PIK3C2A: variants seen among roughly 807,000 people sequenced by gnomAD.
The protein encoded by PIK3C2A is phosphatidylinositol 4-phosphate 3-kinase C2 domain-containing subunit alpha.
Under a neutral mutation model 204.5 loss-of-function variants are expected in PIK3C2A, and 97 were observed. That is an observed-to-expected ratio of 0.47 (90% CI 0.40 to 0.56). The LOEUF is 0.56. Ranked by LOEUF, PIK3C2A falls within the 20% of genes least tolerant of loss-of-function variation. The pLI is 0.00. For synonymous variants in PIK3C2A, 653 were observed against 664.4 expected (o/e 0.98, Z 0.26); for missense variants, 1,735 against 1,969.2 (o/e 0.88, Z 2.25).
intron 27 of PIK3C2A, among the ~76,000 whole-genome samples, chr11:17,096,000 T>C (rs1303040405): frequency 1.3e-5 from 2 of 151,248 alleles, no homozygotes; most frequent in Non-Finnish European, 2.9e-5. Flanking sequence ...AAAAGGTTTA[T>C]GGGGGGTAGT....
chr11:17,199,036 T>C (rs1485790706), intron 1 of PIK3C2A, among the ~76,000 whole-genome samples: 2 of 151,644 alleles, frequency 1.3e-5, no homozygotes. Flanking sequence ...AGAGAATCAC[T>C]TGAACCTGGG....
intron 3 of PIK3C2A, among the ~76,000 whole-genome samples, chr11:17,154,955 C>A (rs930869487): frequency 6.6e-6 from 1 of 152,056 alleles, no homozygotes; most frequent in African/African-American, 2.4e-5. Flanking sequence ...ACATGCTTAA[C>A]CAGAAGCAAA....
chr11:17,101,252 A>C (rs1848614026), intron 25 of PIK3C2A, 26 bp downstream of exon 25: 2 of 1,322,498 alleles, frequency 1.5e-6, no homozygotes, highest in East Asian at 2.3e-5. Flanking sequence ...TATAAAACTA[A>C]TTAAGTGCTT....
chr11:17,120,833 G>A (rs1052611356), intron 15 of PIK3C2A, among the ~76,000 whole-genome samples: 1 of 151,696 alleles, frequency 6.6e-6, no homozygotes, highest in African/African-American at 2.4e-5. Context: ...TGTTTGAGAT[G>A]GAGTCTCGCT....
In PIK3C2A at chr11:17,099,988, A is replaced by C; in HGVS notation, c.4009-19T>G. On this transcript the variant is annotated intron_variant, in intron 25 of 32. Coordinates refer to ENST00000691414, the MANE Select transcript of PIK3C2A (RefSeq NM_002645.4). ...GAATCATCTGTAGAAGAAAACAAAA[A>C]GTTCTGTGAGTTAAATTTTTTAAAA... 1 of 1,158,262 alleles carries C rather than the reference A, an allele frequency of 8.6e-7. No homozygotes were observed. Among genetic ancestry groups the C allele is most frequent in the Non-Finnish European group, 1.3e-6 (1 of 778,524 alleles). 71.7% of individuals were successfully genotyped at this position (1,158,262 alleles called of 1,614,324 possible). A position where few individuals can be genotyped will look rare whatever the true frequency, so the allele number is the denominator to read the frequency against.
At position 17,089,908 on chromosome 11, in the gene PIK3C2A, C is replaced by A; in HGVS notation, c.4891G>T (p.Gly1631Ter). The change falls in exon 33 of 33, where the codon GGA becomes TGA. Residue 1631 changes from glycine (G) to a stop codon, truncating the protein, a stop_gained. Coordinates refer to ENST00000691414, the MANE Select transcript of PIK3C2A (RefSeq NM_002645.4). LOFTEE classifies it high-confidence loss of function. Reference sequence around the variant, plus strand: ...TGTCTTAGGGTTTCTTTGCTATATCCACTGTATACAAGCTACAACAAAGGA... The same window carrying A: ...TGTCTTAGGGTTTCTTTGCTATATCAACTGTATACAAGCTACAACAAAGGA... ...PTFNEMLVYS[G>*]YSKETLRQRE... is the part of the protein sequence containing the mutation. The A allele has an allele frequency of 6.2e-7, 1 of 1,602,070 alleles. No individual in the cohort carries two copies. The highest frequency in any genetic ancestry group is 1.1e-5 in the South Asian group (1 of 89,662).
chr11:17,145,297 C>A (rs1850200688), intron 8 of PIK3C2A, among the ~76,000 whole-genome samples: 2 of 152,098 alleles, frequency 1.3e-5, no homozygotes, highest in South Asian at 2.1e-4. Context: ...ATGTAATAAT[C>A]CCCACGTGTC....
chr11:17,112,546 T>C, intron 21 of PIK3C2A, 28 bp downstream of exon 21: 1 of 1,115,540 alleles, frequency 9.0e-7, no homozygotes, highest in African/African-American at 1.6e-5. Context: ...TAAATTGCCA[T>C]TAAAAAACAG....
intron 11 of PIK3C2A, among the ~76,000 whole-genome samples, chr11:17,133,912 T>C (rs1161488550): frequency 6.6e-6 from 1 of 151,722 alleles, no homozygotes; most frequent in Non-Finnish European, 1.5e-5. Context: ...TGGGCAACAA[T>C]GCAAGACTCC....
At chr11:17,198,054 G>A (rs1290698945) in intron 1 of PIK3C2A, among the ~76,000 whole-genome samples, 5 of 151,910 alleles carry the variant, frequency 3.3e-5, no homozygotes, top group African/African-American at 9.7e-5. Context: ...AGTGATAGCA[G>A]GAGAAAGAAC....
chr11:17,181,178 G>A (rs1851537054), intron 1 of PIK3C2A, among the ~76,000 whole-genome samples: 1 of 152,026 alleles, frequency 6.6e-6, no homozygotes, highest in Non-Finnish European at 1.5e-5. Flanking sequence ...TCATTTAAGG[G>A]TTTTAATGGA....
chr11:17,164,216 G>C (rs1850873138), intron 2 of PIK3C2A, among the ~76,000 whole-genome samples: 1 of 152,054 alleles, frequency 6.6e-6, no homozygotes, highest in South Asian at 2.1e-4. Context: ...GCTGGGTGTG[G>C]TGGCGTGTAC....
intron 1 of PIK3C2A, among the ~76,000 whole-genome samples, chr11:17,180,515 C>CA (rs1340003870): frequency 5.7e-5 from 8 of 139,894 alleles, no homozygotes; most frequent in African/African-American, 1.9e-4. Context: ...ACAACAACAA[C>CA]AACAACAAAA....
Position 17,114,485 on chromosome 11 carries a change from A to C in PIK3C2A, c.3217-20T>G, listed in dbSNP as rs1162188991. On this transcript the variant is annotated intron_variant, in intron 19 of 32. Transcript: ENST00000691414. ...AACAACCTATAGAAAGAGATGTGAT[A>C]CTGTAAGTACATAATGAAAATGAAG... is the stretch of plus-strand genomic sequence containing the variant. 4 of 1,018,158 alleles carry C rather than the reference A, an allele frequency of 3.9e-6. No individual in the cohort carries two copies. The allele number at this position is 1,018,158 out of a possible 1,614,324, so 63.1% of individuals were successfully genotyped here.
intron 11 of PIK3C2A, among the ~76,000 whole-genome samples, chr11:17,133,482 C>T (rs949401565): frequency 2.0e-5 from 3 of 152,138 alleles, no homozygotes; most frequent in Non-Finnish European, 4.4e-5. Context: ...TTTTAAGTCA[C>T]TAAATTATTA....
At chr11:17,094,953 A>T (rs1565235665) in intron 27 of PIK3C2A, among the ~76,000 whole-genome samples, 1 of 152,228 alleles carries the variant, frequency 6.6e-6, no homozygotes, top group Non-Finnish European at 1.5e-5. Context: ...GATAAACTAG[A>T]ACTTAAAAGT....
At chr11:17,105,879 T>C (rs561003470) in intron 22 of PIK3C2A, among the ~76,000 whole-genome samples, 191 of 152,082 alleles carry the variant, frequency 1.3e-3, no homozygotes, top group African/African-American at 4.4e-3. Context: ...GAGGCCGAGG[T>C]GGGTGGATCA....
chr11:17,090,419 A>G (rs73433232), intron 32 of PIK3C2A, among the ~76,000 whole-genome samples: 4,858 of 152,308 alleles, frequency 0.032, 260 homozygotes, highest in African/African-American at 0.11. Context: ...GTGAGCCAAC[A>G]TGGCTCTATT....
At chr11:17,156,942 C>T (rs1456647181) in intron 2 of PIK3C2A, among the ~76,000 whole-genome samples, 2 of 151,948 alleles carry the variant, frequency 1.3e-5, no homozygotes, top group African/African-American at 4.8e-5. Flanking sequence ...AAGTTCGAGG[C>T]CAGCCCAAGC....
Sources: gnomAD v4.1 joint callset for allele counts (sites outside exome capture counted in the v4.1 genomes callset) on GRCh38, gnomAD v4.1.1 for gene constraint, MANE v1.5 for transcripts, NCBI Gene and HGNC (gene_info 2026-07-23, HGNC 2026-07-21) for gene names.